ANO7: variants seen among roughly 807,000 people sequenced by gnomAD.
ANO7 encodes the protein anoctamin-7.
In ANO7, 114 loss-of-function variants were observed where a neutral mutation model predicts 115.8. The ratio of observed to expected loss-of-function variants is 0.98; its 90% confidence interval spans 0.85 to 1.15. The LOEUF is 1.15. Among genes scored for constraint, ANO7 ranks in the 50% most tolerant of loss-of-function variants. The probability of loss-of-function intolerance (pLI) is 0.00; values close to 1 mark genes in which losing one functional copy is unlikely to be tolerated. For synonymous variants in ANO7, 550 were observed against 498.2 expected, an observed-to-expected ratio of 1.10 and a Z score of -1.38; for missense variants, 1,302 against 1,201.2, an observed-to-expected ratio of 1.08 and a Z score of -1.24.
At chr2:241,223,108 G>C in intron 21 of ANO7, 78 bp from the exon 22 acceptor site, 4 of 1,288,748 alleles carry the variant, frequency 3.1e-6, no homozygotes, top group Non-Finnish European at 4.4e-6. Context: ...AAAAAGGGGA[G>C]ATAGGCTAAT....
chr2:241,217,450 G>T (rs866624763), intron 19 of ANO7, among the ~76,000 whole-genome samples: 6 of 152,262 alleles, frequency 3.9e-5, no homozygotes, highest in South Asian at 2.1e-4. Flanking sequence ...GCCGGAGAAG[G>T]CCCGTGACCA....
chr2:241,235,352 C>A, the ANO7 span: 4 of 1,560,576 alleles, frequency 2.6e-6, no homozygotes, highest in Non-Finnish European at 3.5e-6. Context: ...GGGAAGGCCA[C>A]CCGCCGTGAA....
intron 8 of ANO7, 142 bp downstream of exon 8, chr2:241,202,446 C>T: frequency 1.5e-6 from 1 of 684,298 alleles, no homozygotes; most frequent in Non-Finnish European, 2.5e-6. Context: ...AATGCACACA[C>T]ATGCGGCGAT....
intron 4 of ANO7, chr2:241,199,054 G>T: frequency 2.2e-6 from 1 of 463,786 alleles, no homozygotes; most frequent in East Asian, 4.1e-5. Flanking sequence ...GGAGGCTGCA[G>T]GTGACGCCGG....
rs1044692095 is a variant in ANO7, at chr2:241,225,895, G to A, written c.*1742G>A. Among the ~76,000 whole-genome samples, 4 of 152,202 alleles carry A rather than the reference G, an allele frequency of 2.6e-5. No homozygotes were observed. The highest frequency in any genetic ancestry group is 1.9e-4 in the East Asian group (1 of 5,192). ...GCTCAGCCATTCCACGTGTGCTTTC[G>A]CTCAGCACAATGCTTACTACAAACC... On this transcript the variant is annotated 3_prime_UTR_variant, in exon 25 of 25. Coordinates refer to ENST00000674324, the MANE Select transcript of ANO7 (RefSeq NM_001370694.2).
At chr2:241,240,223 A>G in the ANO7 span, 9 of 1,130,918 alleles carry the variant, frequency 8.0e-6, no homozygotes, top group Non-Finnish European at 1.2e-5. This position sits in a 1 kb window ranked among gnomAD's most constrained non-coding sequence, Gnocchi z 5.5. Flanking sequence ...GGCTCCCCTT[A>G]CATTGTCACC....
At chr2:241,227,155 T>G (rs1221948369), downstream of ANO7, 1 of 151,194 alleles carries the variant, frequency 6.6e-6, no homozygotes, top group Non-Finnish European at 1.5e-5. Context: ...CGAGGGGCCG[T>G]TGAACACAGT....
intron 3 of ANO7, among the ~76,000 whole-genome samples, chr2:241,195,022 T>C (rs1446824889): frequency 1.3e-5 from 2 of 152,222 alleles, no homozygotes; most frequent in African/African-American, 2.4e-5. Context: ...CTCCAGCAGC[T>C]GCCTCTGTGT....
the ANO7 span, chr2:241,238,427 T>C: frequency 2.6e-6 from 1 of 378,406 alleles, no homozygotes; most frequent in Non-Finnish European, 4.7e-6. The surrounding 1 kb of genome is among the most constrained non-coding windows in gnomAD (Gnocchi z 4.9). Context: ...ACCTTGTGTG[T>C]CTCTAGGACC....
At chr2:241,209,701 C>A (rs2068677427) in intron 13 of ANO7, 66 bp downstream of exon 13, 1 of 1,488,458 alleles carries the variant, frequency 6.7e-7, no homozygotes, top group Non-Finnish European at 8.9e-7. Flanking sequence ...TGGTTTTGTC[C>A]CCCATCTCAC....
At chr2:241,214,698 A>T in intron 17 of ANO7, 107 bp from the exon 18 acceptor site, 1 of 969,012 alleles carries the variant, frequency 1.0e-6, no homozygotes, top group Non-Finnish European at 1.6e-6. Flanking sequence ...AAGGCATGTC[A>T]GGAGGGAGGT....
chr2:241,222,493 C>G (rs1003622607), intron 21 of ANO7, among the ~76,000 whole-genome samples: 1 of 152,020 alleles, frequency 6.6e-6, no homozygotes, highest in African/African-American at 2.4e-5. Context: ...TCCCCAGTCT[C>G]TCTTCTGCTG....
chr2:241,200,261 A>T (rs1160495351), intron 6 of ANO7, 36 bp downstream of exon 6: 1 of 1,599,210 alleles, frequency 6.3e-7, no homozygotes, highest in Non-Finnish European at 8.5e-7. Context: ...AGGAAAGAAC[A>T]GGAGTGAGTG....
chr2:241,226,455 C>T (rs1049341019), downstream of ANO7, among the ~76,000 whole-genome samples: 13 of 151,104 alleles, frequency 8.6e-5, no homozygotes, highest in Non-Finnish European at 1.3e-4. Flanking sequence ...GATGGAGTCT[C>T]GCTCTGTCAC....
chr2:241,209,683 A>T, intron 13 of ANO7, 48 bp downstream of exon 13: 1 of 1,495,158 alleles, frequency 6.7e-7, no homozygotes, highest in Non-Finnish European at 8.9e-7. Flanking sequence ...CTCCTGCACC[A>T]TGTGGGGTGG....
rs147670958 is a variant in ANO7, at chr2:241,209,363, T to A, written c.1156T>A (p.Tyr386Asn). 643 of 1,580,994 alleles carry A rather than the reference T, an allele frequency of 4.1e-4. 5 individuals carry two copies. The African/African-American group carries it at 7.8e-3, about 19-fold the overall frequency. ...MALWAVLLLEYWKRKSATLAY... is the reference protein window; with the variant it reads ...MALWAVLLLENWKRKSATLAY... ...ACTGTGGGCCGTGCTGCTGCTGGAGTACTGGAAGCGGAAGAGCGCCACGCT... is the reference window on the plus strand; with the variant it reads ...ACTGTGGGCCGTGCTGCTGCTGGAGAACTGGAAGCGGAAGAGCGCCACGCT... Residue 386 changes from tyrosine (Y) to asparagine (N), a missense_variant, in exon 12 of 25, where the codon TAC becomes AAC. Physicochemically the swap from Tyr to Asn is moderately radical, Grantham distance 143 (BLOSUM62 -2). Transcript: ENST00000674324.
intron 3 of ANO7, among the ~76,000 whole-genome samples, chr2:241,193,410 A>T (rs926801348): frequency 3.3e-5 from 5 of 152,038 alleles, no homozygotes; most frequent in Non-Finnish European, 5.9e-5. Context: ...TTATTTTCTC[A>T]AAATCCTCCA....
intron 9 of ANO7, among the ~76,000 whole-genome samples, chr2:241,204,452 T>C (rs11683447): frequency 0.62 from 89,585 of 145,504 alleles, 28,079 homozygotes; most frequent in East Asian, 0.89. Context: ...GGGAGGGAGG[T>C]ACCCGGAATG....
Position 241,209,610 on chromosome 2 carries a change from C to T in ANO7, c.1334C>T (p.Ala445Val). The T allele has an allele frequency of 6.3e-7, 1 of 1,588,500 alleles. No homozygotes were observed. Among genetic ancestry groups the T allele is most frequent in the Non-Finnish European group, 8.6e-7 (1 of 1,167,906 alleles). Residue 445 changes from alanine (A) to valine (V), a missense_variant, in exon 13 of 25, where the codon GCC (alanine) becomes GTC (valine). By Grantham distance (64) the Ala-to-Val change is moderately conservative. Transcript: ENST00000674324. The part of the protein sequence containing the change: ...PERSRARRML[A>V]GSVVIVVMVA... ...AGGAGCCGCGCGCGCCGCATGCTGGCCGGCTCTGTGGTGATCGTGGTGATG... is the reference window on the plus strand; with the variant it reads ...AGGAGCCGCGCGCGCCGCATGCTGGTCGGCTCTGTGGTGATCGTGGTGATG...
Sources: gnomAD v4.1 joint callset for allele counts (sites outside exome capture counted in the v4.1 genomes callset) on GRCh38, gnomAD v4.1.1 for gene constraint, Gnocchi (gnomAD v3.1) non-coding constraint, MANE v1.5 for transcripts, NCBI Gene and HGNC (gene_info 2026-07-23, HGNC 2026-07-21) for gene names.